The following ARHGAP17 variants were observed in gnomAD, a reference collection of about 807,000 sequenced individuals.
The protein encoded by ARHGAP17 is rho GTPase-activating protein 17.
Under a neutral mutation model 99.5 loss-of-function variants are expected in ARHGAP17, and 57 were observed. The ratio of observed to expected loss-of-function variants is 0.57; its 90% CI spans 0.46 to 0.71. The LOEUF (loss-of-function observed/expected upper bound fraction) is 0.71. Ranked by LOEUF, ARHGAP17 falls within the 30% of genes least tolerant of loss-of-function variation. The pLI is 0.00. For missense variants in ARHGAP17, 1,000 were observed against 1,122.4 expected, an observed-to-expected ratio of 0.89 and a Z score of 1.56; for synonymous variants, 417 against 429.6, an observed-to-expected ratio of 0.97 and a Z score of 0.36.
chr16:24,997,125 A>G (rs1299425051), intron 1 of ARHGAP17, among the ~76,000 whole-genome samples: 1 of 152,218 alleles, frequency 6.6e-6, no homozygotes, highest in Non-Finnish European at 1.5e-5. Flanking sequence ...CTCTGTCATT[A>G]GCACTTGGAC....
At chr16:24,924,363 G>A in intron 19 of ARHGAP17, among the ~76,000 whole-genome samples, 1 of 151,060 alleles carries the variant, frequency 6.6e-6, no homozygotes, top group East Asian at 1.9e-4. Flanking sequence ...AAGTTTATAT[G>A]ACAAGTATTA....
chr16:24,981,320 A>G (rs1274035704), intron 1 of ARHGAP17, among the ~76,000 whole-genome samples: 2 of 152,260 alleles, frequency 1.3e-5, no homozygotes, highest in African/African-American at 2.4e-5. Flanking sequence ...AGGAAAAACA[A>G]AAAGTCCACT....
intron 1 of ARHGAP17, among the ~76,000 whole-genome samples, chr16:25,006,635 G>A (rs756748877): frequency 1.2e-4 from 19 of 152,136 alleles, no homozygotes; most frequent in Non-Finnish European, 2.4e-4. Flanking sequence ...TACCATAGGC[G>A]TTGCAGGCCA....
chr16:24,944,855 A>G (rs567830739), intron 14 of ARHGAP17, among the ~76,000 whole-genome samples: 1 of 151,962 alleles, frequency 6.6e-6, no homozygotes, highest in African/African-American at 2.4e-5. Flanking sequence ...TGACCTTGTG[A>G]TCTGCCCGTC....
chr16:24,949,262 A>G, intron 13 of ARHGAP17, 142 bp downstream of exon 13: 1 of 574,546 alleles, frequency 1.7e-6, no homozygotes, highest in Non-Finnish European at 3.0e-6. Context: ...CAGTAGCCCC[A>G]AGTTACTCTC....
At chr16:24,997,848 C>A (rs967968174) in intron 1 of ARHGAP17, among the ~76,000 whole-genome samples, 1 of 152,130 alleles carries the variant, frequency 6.6e-6, no homozygotes, top group South Asian at 2.1e-4. Context: ...GGTGAAGGGA[C>A]CTGTTGAACA....
intron 9 of ARHGAP17, among the ~76,000 whole-genome samples, chr16:24,958,801 A>G (rs1485873015): frequency 6.6e-6 from 1 of 152,164 alleles, no homozygotes; most frequent in Non-Finnish European, 1.5e-5. Flanking sequence ...TCACAAAGTC[A>G]TCCCACTCAG....
chr16:24,940,707 A>T (rs2051289047), intron 16 of ARHGAP17, among the ~76,000 whole-genome samples: 1 of 151,992 alleles, frequency 6.6e-6, no homozygotes, highest in Admixed American at 6.6e-5. Flanking sequence ...AAAAACAAAA[A>T]CCAAAAAGAC....
At chr16:24,970,625 C>T (rs748872168) in intron 3 of ARHGAP17, 45 bp from the exon 4 acceptor site, 3 of 1,517,368 alleles carry the variant, frequency 2.0e-6, no homozygotes, top group East Asian at 4.5e-5. Context: ...TATTTGATAC[C>T]CATTCTCAAT....
chr16:24,962,974 C>T (rs2052055565), intron 7 of ARHGAP17, among the ~76,000 whole-genome samples: 2 of 152,144 alleles, frequency 1.3e-5, no homozygotes, highest in Admixed American at 1.3e-4. Context: ...GAGAAGGAGG[C>T]AGAAAATATT....
At chr16:24,983,550 C>A (rs2052766506) in intron 1 of ARHGAP17, among the ~76,000 whole-genome samples, 1 of 152,168 alleles carries the variant, frequency 6.6e-6, no homozygotes, top group Non-Finnish European at 1.5e-5. Context: ...AGCCATCCTC[C>A]CGCCTCCAAC....
At chr16:24,948,157 T>C (rs1248678317) in intron 13 of ARHGAP17, among the ~76,000 whole-genome samples, 2 of 152,162 alleles carry the variant, frequency 1.3e-5, no homozygotes, top group Non-Finnish European at 2.9e-5. Context: ...TTACAAAATG[T>C]ACTGAGAAGG....
At position 25,009,608 on chromosome 16, in the gene ARHGAP17, T is replaced by C. The variant is rs577976773; in HGVS notation, c.53+5601A>G. On this transcript the variant is annotated intron_variant, in intron 1 of 19. Transcript: ENST00000289968. ...ACACATTTTGACTCAGTGTGAGAAT[T>C]CACATTGCTGGTAGTGGATCCAACT... 7.9e-5 allele frequency among the ~76,000 whole-genome samples: 12 copies of C among 152,260 alleles called. No individual in the cohort carries two copies. In the South Asian group the frequency reaches 2.5e-3, roughly 32 times the overall value.
At chr16:25,003,173 A>G (rs17702971) in intron 1 of ARHGAP17, among the ~76,000 whole-genome samples, 6,891 of 151,892 alleles carry the variant, frequency 0.045, 213 homozygotes, top group Middle Eastern at 0.078. Context: ...TATTTGGGGC[A>G]AAGGTCTCCA....
intron 14 of ARHGAP17, among the ~76,000 whole-genome samples, chr16:24,946,535 C>A (rs1281597368): frequency 6.6e-6 from 1 of 151,200 alleles, no homozygotes; most frequent in African/African-American, 2.4e-5. Context: ...AATACGCTAT[C>A]CCAAAATATG....
intron 1 of ARHGAP17, among the ~76,000 whole-genome samples, chr16:24,999,350 T>C (rs1220984853): frequency 6.6e-6 from 1 of 152,204 alleles, no homozygotes; most frequent in African/African-American, 2.4e-5. Flanking sequence ...AACTTTGATA[T>C]AATAAAACAG....
chr16:24,949,155 T>C (rs908427501), intron 13 of ARHGAP17: 4 of 359,004 alleles, frequency 1.1e-5, no homozygotes, highest in African/African-American at 6.3e-5. Flanking sequence ...TTATTGCTAA[T>C]AGCTGTAGTG....
rs928651157 is a variant in ARHGAP17 at position 24,929,521 on chromosome 16, G to C, written c.2515+1263C>G. The C allele has an allele frequency of 4.4e-6, 4 of 903,818 alleles. No homozygotes were observed. The African/African-American group carries it at 7.2e-5, about 16-fold the overall frequency. The allele number at this position is 903,818 out of a possible 1,614,324, so 56.0% of individuals were successfully genotyped here. A position where few individuals can be genotyped will look rare whatever the true frequency, so the allele number is the denominator to read the frequency against. Reference sequence around the variant, plus strand: ...GTCAAACGGCTGCTCCTGAGCACATGGTCAAAAGCACATATGCAAAACACG... The same window carrying C: ...GTCAAACGGCTGCTCCTGAGCACATCGTCAAAAGCACATATGCAAAACACG... On this transcript the variant is annotated intron_variant, in intron 19 of 19. Transcript: ENST00000289968.
rs1327043916 is a variant in ARHGAP17, at chr16:24,919,515, A to G, written c.*615T>C. The stretch of plus-strand genomic sequence containing the variant: ...AAAAGAACAGTACATTTCTGTCTAC[A>G]TTCCGACAATCCAACGAGGCGGCAT... On this transcript the variant is annotated 3_prime_UTR_variant, in exon 20 of 20. Transcript: ENST00000289968. The G allele has an allele frequency of 6.6e-6, 1 of 152,478 alleles. No homozygotes were observed. Among genetic ancestry groups the G allele is most frequent in the Non-Finnish European group, 1.5e-5 (1 of 68,006 alleles). 9.4% of individuals were successfully genotyped at this position (152,478 alleles called of 1,614,324 possible). A position where few individuals can be genotyped will look rare whatever the true frequency, so the allele number is the denominator to read the frequency against.
Sources: allele counts gnomAD v4.1 joint callset (sites outside exome capture counted in the v4.1 genomes callset), GRCh38; gene constraint gnomAD v4.1.1; transcripts MANE v1.5; gene names NCBI Gene and HGNC (gene_info 2026-07-23, HGNC 2026-07-21).